Variants in GRIN2A observed in about 807,000 individuals in gnomAD.
GRIN2A encodes the protein glutamate receptor ionotropic, NMDA 2A.
A neutral mutation model predicts 113.4 loss-of-function variants in GRIN2A; 22 were observed. The observed-to-expected ratio is 0.19, with a 90% CI of 0.14 to 0.28. The LOEUF is 0.28. Ranked by LOEUF, GRIN2A falls within the 10% of genes least tolerant of loss-of-function variation. GRIN2A has a pLI of 1.00. For synonymous variants in GRIN2A, 827 were observed against 738.4 expected, an observed-to-expected ratio of 1.12 and a Z score of -1.94; for missense variants, 1,502 against 1,887.0, an observed-to-expected ratio of 0.80 and a Z score of 3.78.
chr16:10,144,933 A>AAT (rs2049406693), intron 2 of GRIN2A, among the ~76,000 whole-genome samples: 1 of 150,358 alleles, frequency 6.7e-6, no homozygotes, highest in Non-Finnish European at 1.5e-5. Context: ...AAAAAAAAAA[A>AAT]AAAAAAAGAG....
chr16:10,111,728 C>A, intron 2 of GRIN2A: 1 of 1,536,422 alleles, frequency 6.5e-7, no homozygotes, highest in Non-Finnish European at 9.0e-7. Flanking sequence ...GGCTTCATCA[C>A]GGACCCCGTG....
At chr16:9,996,156 A>T (rs1457709669) in intron 2 of GRIN2A, among the ~76,000 whole-genome samples, 3 of 152,122 alleles carry the variant, frequency 2.0e-5, no homozygotes, top group African/African-American at 7.2e-5. Flanking sequence ...AAATAATAAA[A>T]GAATGGGATA....
chr16:9,946,100 C>T (rs2045011807), intron 2 of GRIN2A, among the ~76,000 whole-genome samples: 1 of 152,186 alleles, frequency 6.6e-6, no homozygotes, highest in Non-Finnish European at 1.5e-5. Context: ...TGCTCTTGAA[C>T]TCAGCCCTGC....
At chr16:10,028,724 G>A (rs547220978) in intron 2 of GRIN2A, among the ~76,000 whole-genome samples, 1 of 152,198 alleles carries the variant, frequency 6.6e-6, no homozygotes, top group African/African-American at 2.4e-5. Flanking sequence ...TTTCTGTAAA[G>A]AGCTAGAGAG....
intron 2 of GRIN2A, among the ~76,000 whole-genome samples, chr16:10,134,017 TGAA>T (rs570207761): frequency 6.6e-6 from 1 of 150,782 alleles, no homozygotes; most frequent in South Asian, 2.1e-4. Context: ...ACCCCACCTC[TGAA>T]AAAGAAAAAA....
At chr16:9,796,919 A>G (rs2267791) in intron 11 of GRIN2A, among the ~76,000 whole-genome samples, 49,459 of 152,124 alleles carry the variant, frequency 0.33, 8,173 homozygotes, top group African/African-American at 0.38. Flanking sequence ...TGATCTGAGG[A>G]AGGTACAAAT....
intron 2 of GRIN2A, among the ~76,000 whole-genome samples, chr16:10,090,433 A>G (rs1197362430): frequency 6.6e-6 from 1 of 152,238 alleles, no homozygotes; most frequent in Admixed American, 6.5e-5. Flanking sequence ...TTTGATAGGA[A>G]AAAGATAGTC....
intron 3 of GRIN2A, among the ~76,000 whole-genome samples, chr16:9,896,476 G>C (rs1186705040): frequency 6.6e-6 from 1 of 152,018 alleles, no homozygotes; most frequent in Non-Finnish European, 1.5e-5. Flanking sequence ...TCTTCCATTT[G>C]GTAGTAAAAT....
At position 9,923,659 on chromosome 16, in the gene GRIN2A, C is replaced by G. The variant is rs146531551; in HGVS notation, c.1007+14300G>C. ...GTTATCTTCAAGTGATGTTATACCA[C>G]TATACTACGTAAGTATACCATAAGA... On this transcript the variant is annotated intron_variant, in intron 3 of 12. Coordinates refer to ENST00000330684, the MANE Select transcript of GRIN2A (RefSeq NM_001134407.3). Among the ~76,000 whole-genome samples, 46 of 152,212 alleles carry G rather than the reference C, an allele frequency of 3.0e-4. No homozygotes were observed. The East Asian group carries it at 8.5e-3, about 28-fold the overall frequency.
chr16:9,991,113 T>C (rs549288437), intron 2 of GRIN2A, among the ~76,000 whole-genome samples: 3 of 152,268 alleles, frequency 2.0e-5, no homozygotes, highest in South Asian at 2.1e-4. Context: ...AAGATGCCGA[T>C]GTCCTCATTA....
chr16:9,914,904 GCTTTTTTTT>G (rs2044213006), intron 3 of GRIN2A, among the ~76,000 whole-genome samples: 2 of 48,692 alleles, frequency 4.1e-5, no homozygotes, highest in African/African-American at 7.1e-5. Context: ...TGATTATGCA[GCTTTTTTTT>G]TTTTTTTTTT....
At chr16:10,059,755 G>A (rs1194895931) in intron 2 of GRIN2A, among the ~76,000 whole-genome samples, 2 of 151,784 alleles carry the variant, frequency 1.3e-5, no homozygotes, top group African/African-American at 4.8e-5. Context: ...GATTTTTAGA[G>A]GGTGGTGAGA....
chr16:10,024,724 A>C (rs1422695644), intron 2 of GRIN2A, among the ~76,000 whole-genome samples: 1 of 152,174 alleles, frequency 6.6e-6, no homozygotes, highest in African/African-American at 2.4e-5. Flanking sequence ...ACATAGAGAA[A>C]GCCCACGTTC....
At chr16:9,854,521 C>T (rs1222537956) in intron 4 of GRIN2A, among the ~76,000 whole-genome samples, 1 of 152,092 alleles carries the variant, frequency 6.6e-6, no homozygotes, top group Non-Finnish European at 1.5e-5. Flanking sequence ...TATGTATGCT[C>T]CAAATGCCTT....
At chr16:10,179,910 G>T in intron 2 of GRIN2A, 88 bp downstream of exon 2, 1 of 521,876 alleles carries the variant, frequency 1.9e-6, no homozygotes. Context: ...CATCAAGACA[G>T]ATTCTAGGGG....
intron 2 of GRIN2A, among the ~76,000 whole-genome samples, chr16:10,033,260 A>T (rs2046963405): frequency 6.6e-6 from 1 of 152,174 alleles, no homozygotes; most frequent in South Asian, 2.1e-4. Context: ...GGTTCAAATC[A>T]TTCATTCATT....
chr16:9,836,298 T>C (rs1324345346), intron 7 of GRIN2A, among the ~76,000 whole-genome samples: 1 of 152,170 alleles, frequency 6.6e-6, no homozygotes, highest in East Asian at 1.9e-4. Context: ...AAGCCAGAAA[T>C]ACTGGGGCAA....
chr16:9,765,348 G>A (rs1900848692), intron 12 of GRIN2A, among the ~76,000 whole-genome samples: 1 of 152,142 alleles, frequency 6.6e-6, no homozygotes, highest in Non-Finnish European at 1.5e-5. Context: ...GAAAGTTTAG[G>A]CACCAGAGAG....
chr16:9,889,842 C>G (rs960196148), intron 4 of GRIN2A, among the ~76,000 whole-genome samples: 1 of 152,168 alleles, frequency 6.6e-6, no homozygotes, highest in African/African-American at 2.4e-5. Flanking sequence ...TTCTTCTAAA[C>G]ACATTGAGAC....
Sources: allele counts gnomAD v4.1 joint callset (sites outside exome capture counted in the v4.1 genomes callset), GRCh38; gene constraint gnomAD v4.1.1; transcripts MANE v1.5; gene names NCBI Gene and HGNC (gene_info 2026-07-23, HGNC 2026-07-21).